Variants in PREX2 observed in about 807,000 individuals in gnomAD.
The protein encoded by PREX2 is phosphatidylinositol 3,4,5-trisphosphate-dependent Rac exchanger 2 protein.
PREX2 carries 107 observed loss-of-function variants against 203.2 expected under a neutral mutation model. That is an observed-to-expected ratio of 0.53 (90% CI 0.45 to 0.62). The LOEUF is 0.62. Ranked by LOEUF, PREX2 falls within the 20% of genes least tolerant of loss-of-function variation. PREX2 has a pLI of 0.00. For missense variants in PREX2, 1,777 were observed against 1,955.9 expected (o/e 0.91, Z 1.72); for synonymous variants, 672 against 663.6 (o/e 1.01, Z -0.19).
At chr8:68,145,445 G>A (rs76343869) in intron 33 of PREX2, among the ~76,000 whole-genome samples, 2,829 of 152,224 alleles carry the variant, frequency 0.019, 72 homozygotes, top group African/African-American at 0.063. Flanking sequence ...AATACTGAGT[G>A]AGGAACATGT....
intron 31 of PREX2, among the ~76,000 whole-genome samples, chr8:68,130,453 C>G (rs1810984791): frequency 6.6e-6 from 1 of 152,160 alleles, no homozygotes; most frequent in African/African-American, 2.4e-5. Flanking sequence ...TAACAAATTG[C>G]TCCTTCTCCA....
In PREX2 at chr8:67,952,159, C is replaced by T. The variant is rs1805357687; in HGVS notation, c.-236C>T. 2.8e-6 allele frequency: 1 copy of T among 354,060 alleles called. No homozygotes were observed. The highest frequency in any genetic ancestry group is 5.0e-6 in the Non-Finnish European group (1 of 201,670). The allele number at this position is 354,060 out of a possible 1,614,324, so 21.9% of individuals were successfully genotyped here. On this transcript the variant is annotated 5_prime_UTR_variant, in exon 1 of 40. Transcript: ENST00000288368. ...CGGGCGCGCAGGGCCTGGCCGGAGC[C>T]CCCACTCCCAGGAGTTTCCTCTGCA...
chr8:68,120,391 C>T, intron 29 of PREX2, 105 bp downstream of exon 29: 1 of 729,106 alleles, frequency 1.4e-6, no homozygotes. Flanking sequence ...ATTCCAGTTA[C>T]TCATGTTTCA....
chr8:67,952,564 C>A lies in PREX2; in HGVS notation c.141+29C>A, dbSNP rs759846518. Reference sequence around the variant, plus strand: ...AGTGTCCCCGGCAGACGCAGGGGGACGTCCGGGCGGCGCGGGGCGCGGGTC... The same window carrying A: ...AGTGTCCCCGGCAGACGCAGGGGGAAGTCCGGGCGGCGCGGGGCGCGGGTC... On this transcript the variant is annotated intron_variant, in intron 1 of 39. Transcript: ENST00000288368. The A allele has an allele frequency of 1.9e-6, 3 of 1,598,564 alleles. No homozygotes were observed. The African/African-American group carries it at 4.0e-5, about 21-fold the overall frequency.
intron 32 of PREX2, 78 bp downstream of exon 32, chr8:68,134,354 T>G: frequency 8.5e-7 from 1 of 1,172,120 alleles, no homozygotes; most frequent in Non-Finnish European, 1.2e-6. Context: ...AAGAAGTAGT[T>G]ATTTCTTTCC....
chr8:68,158,735 C>T (rs1811597518), intron 35 of PREX2, among the ~76,000 whole-genome samples: 1 of 152,148 alleles, frequency 6.6e-6, no homozygotes, highest in African/African-American at 2.4e-5. Flanking sequence ...TAATGTCTCT[C>T]TGGGCCTGTT....
intron 1 of PREX2, among the ~76,000 whole-genome samples, chr8:68,013,720 G>A (rs1176120650): frequency 6.6e-6 from 1 of 151,816 alleles, no homozygotes; most frequent in Non-Finnish European, 1.5e-5. Context: ...CTTTTTTCCT[G>A]CAACAGTGGA....
At chr8:68,089,480 C>T (rs950284196) in intron 19 of PREX2, among the ~76,000 whole-genome samples, 1 of 152,172 alleles carries the variant, frequency 6.6e-6, no homozygotes, top group Non-Finnish European at 1.5e-5. Flanking sequence ...CTATTCAACT[C>T]TCCAATCCTG....
At position 68,090,679 on chromosome 8, in the gene PREX2, C is replaced by T. The variant is rs142600924; in HGVS notation, c.2214C>T (p.His738=). ...SKETHASVIA[H]VTACRKYRRP... is the part of the protein sequence containing the mutation. Reference sequence around the variant, plus strand: ...AGACACATGCCAGTGTCATTGCACACGTTACAGCCTGCAGGAAGTACAGGC... The same window carrying T: ...AGACACATGCCAGTGTCATTGCACATGTTACAGCCTGCAGGAAGTACAGGC... The change falls in exon 20 of 40, where the codon CAC becomes CAT. Residue 738 remains histidine, a synonymous_variant. Transcript: ENST00000288368. The T allele has an allele frequency of 5.1e-5, 83 of 1,613,852 alleles. No homozygotes were observed. Among genetic ancestry groups the T allele is most frequent in the East Asian group, 3.1e-4 (14 of 44,876 alleles).
intron 25 of PREX2, 47 bp downstream of exon 25, chr8:68,109,670 A>T (rs780715468): frequency 4.7e-6 from 7 of 1,504,540 alleles, no homozygotes; most frequent in African/African-American, 1.4e-5. Context: ...TAAAATAGCC[A>T]TAAAAATGTG....
At chr8:68,211,476 A>G (rs577449940) in intron 37 of PREX2, among the ~76,000 whole-genome samples, 2 of 152,334 alleles carry the variant, frequency 1.3e-5, no homozygotes, top group East Asian at 1.9e-4. Flanking sequence ...TGTACTGCCC[A>G]TAAAGAGGAG....
chr8:68,136,504 AAT>A lies in PREX2; in HGVS notation c.3985-1910_3985-1909del, dbSNP rs1811115708. Among the ~76,000 whole-genome samples the A allele has an allele frequency of 3.3e-5, 5 of 152,154 alleles. No individual in the cohort carries two copies. The South Asian group carries it at 1.0e-3, about 31-fold the overall frequency. On this transcript the variant is annotated intron_variant, in intron 32 of 39. Coordinates refer to ENST00000288368, the MANE Select transcript of PREX2 (RefSeq NM_024870.4). ...GTGGTCACTTGGGCCTGGCTTTGGC[AAT>A]GTTTGCTGGAACACCATGGCTTGTG...
intron 31 of PREX2, among the ~76,000 whole-genome samples, chr8:68,130,878 G>C (rs1810996114): frequency 6.6e-6 from 1 of 152,180 alleles, no homozygotes; most frequent in Non-Finnish European, 1.5e-5. Context: ...CTTGGGGAGA[G>C]GGGAATTTCA....
intron 33 of PREX2, among the ~76,000 whole-genome samples, chr8:68,139,045 G>A (rs1378782738): frequency 6.6e-6 from 1 of 152,082 alleles, no homozygotes; most frequent in Non-Finnish European, 1.5e-5. Context: ...CCTACTTCTT[G>A]CCAAGACTAT....
At chr8:68,076,047 A>T (rs1390716018) in intron 14 of PREX2, among the ~76,000 whole-genome samples, 1 of 152,226 alleles carries the variant, frequency 6.6e-6, no homozygotes, top group Non-Finnish European at 1.5e-5. Flanking sequence ...GTGAAGCTGG[A>T]GAGATAGCAT....
intron 31 of PREX2, among the ~76,000 whole-genome samples, chr8:68,130,707 G>A (rs1459144810): frequency 6.6e-6 from 1 of 152,182 alleles, no homozygotes; most frequent in South Asian, 2.1e-4. Flanking sequence ...CCTCTAAGGA[G>A]GGTGAGCCTA....
intron 3 of PREX2, among the ~76,000 whole-genome samples, chr8:68,020,457 T>C (rs914361419): frequency 1.8e-4 from 28 of 152,122 alleles, no homozygotes; most frequent in African/African-American, 6.3e-4. Flanking sequence ...TGTTTAAAAA[T>C]GTGTAAGCGT....
intron 9 of PREX2, among the ~76,000 whole-genome samples, chr8:68,054,363 G>GA (rs34760459): frequency 0.12 from 15,801 of 134,550 alleles, 915 homozygotes; most frequent in African/African-American, 0.14. Flanking sequence ...GCACCCAAGA[G>GA]AAAAAAACAA....
intron 38 of PREX2, 137 bp from the exon 39 acceptor site, chr8:68,224,422 T>A (rs972818805): frequency 1.5e-6 from 1 of 676,862 alleles, no homozygotes; most frequent in Non-Finnish European, 2.6e-6. Context: ...CAGACAGCGA[T>A]GTCTGTCTTT....
Sources: gnomAD v4.1 joint callset for allele counts (sites outside exome capture counted in the v4.1 genomes callset) on GRCh38, gnomAD v4.1.1 for gene constraint, MANE v1.5 for transcripts, NCBI Gene and HGNC (gene_info 2026-07-23, HGNC 2026-07-21) for gene names.